The following DNAH9 variants were observed in gnomAD, a reference collection of about 807,000 sequenced individuals.
DNAH9 encodes dynein axonemal heavy chain 9.
In DNAH9, 345 loss-of-function variants were observed where a neutral mutation model predicts 471.6. The ratio of observed to expected loss-of-function variants is 0.73; its 90% CI spans 0.67 to 0.80. The LOEUF (loss-of-function observed/expected upper bound fraction) is 0.80. Among genes scored for constraint, DNAH9 ranks in the 30% least tolerant of loss-of-function variants. DNAH9 has a pLI of 0.00. For missense variants in DNAH9, 5,407 were observed against 5,609.2 expected, an observed-to-expected ratio of 0.96 and a Z score of 1.15; for synonymous variants, 2,093 against 2,123.6, an observed-to-expected ratio of 0.99 and a Z score of 0.40.
At chr17:11,902,180 G>A (rs569781725) in intron 59 of DNAH9, among the ~76,000 whole-genome samples, 6 of 152,356 alleles carry the variant, frequency 3.9e-5, no homozygotes, top group African/African-American at 1.2e-4. Flanking sequence ...ACAGATTGAA[G>A]AGAGGCACCA....
At chr17:11,717,954 ACCT>A (rs2074993881) in intron 26 of DNAH9, among the ~76,000 whole-genome samples, 6 of 151,938 alleles carry the variant, frequency 3.9e-5, no homozygotes, top group African/African-American at 1.5e-4. Context: ...GCTGACTGCA[ACCT>A]CCTCCTCCCA....
intron 61 of DNAH9, among the ~76,000 whole-genome samples, chr17:11,911,246 A>C (rs143629902): frequency 6.0e-4 from 92 of 152,320 alleles, no homozygotes; most frequent in African/African-American, 2.1e-3. Context: ...TTGTCCCTTG[A>C]CACGTAGATA....
intron 39 of DNAH9, among the ~76,000 whole-genome samples, chr17:11,783,191 C>T (rs573690408): frequency 1.2e-3 from 188 of 152,190 alleles, no homozygotes; most frequent in South Asian, 6.6e-3. Flanking sequence ...TAGTTTCTGT[C>T]TCTAGTGATA....
At chr17:11,719,243 A>G in intron 26 of DNAH9, 91 bp from the exon 27 acceptor site, 1 of 1,312,264 alleles carries the variant, frequency 7.6e-7, no homozygotes, top group Non-Finnish European at 1.1e-6. Flanking sequence ...TTCTTTTCAG[A>G]AGCTATGCCA....
Position 11,619,786 on chromosome 17 carries a change from G to T in DNAH9, c.1350+5G>T. On this transcript the variant is annotated splice_donor_5th_base_variant and intron_variant, in intron 6 of 68. Transcript: ENST00000262442. ...GGACAACTGCACGTGGTGGAGGTGAGTGCGCACCTCACCTCAGGCTGCCAG... is the reference window on the plus strand; with the variant it reads ...GGACAACTGCACGTGGTGGAGGTGATTGCGCACCTCACCTCAGGCTGCCAG... The T allele has an allele frequency of 6.4e-7, 1 of 1,553,174 alleles. No individual in the cohort carries two copies. Among genetic ancestry groups the T allele is most frequent in the Non-Finnish European group, 8.9e-7 (1 of 1,124,518 alleles).
intron 14 of DNAH9, among the ~76,000 whole-genome samples, chr17:11,664,295 G>C (rs953135753): frequency 1.6e-4 from 25 of 151,810 alleles, no homozygotes; most frequent in South Asian, 4.2e-4. Context: ...GAGAGTGAGA[G>C]AGAGAGAGAG....
At chr17:11,880,800 A>G (rs1972689051) in intron 54 of DNAH9, among the ~76,000 whole-genome samples, 1 of 152,048 alleles carries the variant, frequency 6.6e-6, no homozygotes. Context: ...TTGGTTAATC[A>G]TTTTCACCCA....
chr17:11,631,618 G>C (rs2073068058), intron 7 of DNAH9, among the ~76,000 whole-genome samples: 2 of 147,738 alleles, frequency 1.4e-5, no homozygotes, highest in African/African-American at 5.1e-5. Flanking sequence ...TCCAGCCTGG[G>C]TGACAGAGTG....
chr17:11,691,121 C>G (rs377530959), intron 20 of DNAH9, among the ~76,000 whole-genome samples: 1 of 152,174 alleles, frequency 6.6e-6, no homozygotes, highest in Admixed American at 6.5e-5. Flanking sequence ...CAAAATGTCA[C>G]GGGCTGTCCA....
intron 61 of DNAH9, among the ~76,000 whole-genome samples, chr17:11,922,804 G>A (rs564020873): frequency 6.6e-6 from 1 of 152,230 alleles, no homozygotes; most frequent in East Asian, 1.9e-4. Context: ...TGCCCCTACT[G>A]GCCACACCTC....
intron 48 of DNAH9, 80 bp from the exon 49 acceptor site, chr17:11,834,558 C>T: frequency 6.4e-7 from 1 of 1,556,418 alleles, no homozygotes; most frequent in South Asian, 1.2e-5. Context: ...CAGGTCATGC[C>T]CAACAGGCCA....
intron 50 of DNAH9, among the ~76,000 whole-genome samples, chr17:11,868,471 T>G (rs955756510): frequency 2.0e-5 from 3 of 152,158 alleles, no homozygotes; most frequent in African/African-American, 7.2e-5. Context: ...TAATACATTT[T>G]TAAATATTGA....
intron 59 of DNAH9, among the ~76,000 whole-genome samples, chr17:11,898,372 C>T (rs543978254): frequency 2.6e-4 from 39 of 152,288 alleles, no homozygotes; most frequent in African/African-American, 7.7e-4. Flanking sequence ...CTGCCTGCCT[C>T]GGCCTCCCAA....
At chr17:11,648,444 C>T (rs2073436633) in intron 12 of DNAH9, among the ~76,000 whole-genome samples, 1 of 152,078 alleles carries the variant, frequency 6.6e-6, no homozygotes, top group African/African-American at 2.4e-5. Context: ...TCTGGATTAC[C>T]AAGTAGGCCA....
In DNAH9 at chr17:11,810,270, A is replaced by G. The variant is rs751022162; in HGVS notation, c.8608A>G (p.Lys2870Glu). 2 of 1,613,284 alleles carry G rather than the reference A, an allele frequency of 1.2e-6. No homozygotes were observed. ...FKMDLASLCL[K>E]AGVKNLNTVF... ...GATGGACCTGGCCAGCCTGTGTCTG[A>G]AAGCTGGAGTGAAGAATCTCAACAC... The change falls in exon 45 of 69, where the codon AAA becomes GAA. Residue 2870 changes from lysine to glutamate, a missense_variant. Coordinates refer to ENST00000262442, the MANE Select transcript of DNAH9 (RefSeq NM_001372.4).
intron 26 of DNAH9, among the ~76,000 whole-genome samples, chr17:11,719,054 A>G (rs1000854061): frequency 6.6e-6 from 1 of 152,084 alleles, no homozygotes; most frequent in Admixed American, 6.6e-5. Context: ...AGAGGTTTGC[A>G]GCTTCAGAGG....
intron 62 of DNAH9, among the ~76,000 whole-genome samples, chr17:11,928,868 G>C (rs1013430095): frequency 1.3e-5 from 2 of 152,126 alleles, no homozygotes; most frequent in Non-Finnish European, 2.9e-5. Flanking sequence ...GATTCAGTAA[G>C]TTTGGGCAGG....
intron 14 of DNAH9, among the ~76,000 whole-genome samples, chr17:11,658,351 T>C (rs932662797): frequency 5.3e-5 from 8 of 152,180 alleles, no homozygotes; most frequent in African/African-American, 9.6e-5. Context: ...TCATTGATTT[T>C]TACATTTTGA....
At chr17:11,928,411 C>A (rs978862486) in intron 62 of DNAH9, among the ~76,000 whole-genome samples, 1 of 152,186 alleles carries the variant, frequency 6.6e-6, no homozygotes, top group Non-Finnish European at 1.5e-5. Context: ...AAGTGCTGGG[C>A]TCAGCTCTGA....
Sources: allele counts gnomAD v4.1 joint callset (sites outside exome capture counted in the v4.1 genomes callset), GRCh38; gene constraint gnomAD v4.1.1; transcripts MANE v1.5; gene names NCBI Gene and HGNC (gene_info 2026-07-23, HGNC 2026-07-21).